Variants in PDE1C observed in about 807,000 individuals in gnomAD.
PDE1C encodes dual specificity calcium/calmodulin-dependent 3',5'-cyclic nucleotide phosphodiesterase 1C.
Under a neutral mutation model 93.1 loss-of-function variants are expected in PDE1C, and 62 were observed. The observed-to-expected ratio is 0.67, with a 90% CI of 0.54 to 0.82. The LOEUF is 0.82. Among genes scored for constraint, PDE1C ranks in the 40% least tolerant of loss-of-function variants. PDE1C has a pLI of 0.00. For synonymous variants in PDE1C, 325 were observed against 310.1 expected, an observed-to-expected ratio of 1.05 and a Z score of -0.50; for missense variants, 742 against 884.6, an observed-to-expected ratio of 0.84 and a Z score of 2.04.
At chr7:32,266,143 G>A (rs977417109) in intron 1 of PDE1C, among the ~76,000 whole-genome samples, 7 of 152,028 alleles carry the variant, frequency 4.6e-5, no homozygotes, top group Non-Finnish European at 7.4e-5. Context: ...TTAGCTGGGT[G>A]TGGTGGCAGG....
At chr7:31,929,267 G>T (rs1803860096) in intron 2 of PDE1C, among the ~76,000 whole-genome samples, 1 of 152,160 alleles carries the variant, frequency 6.6e-6, no homozygotes, top group Admixed American at 6.5e-5. Context: ...ACCTAATACA[G>T]GAGCTCCCAG....
At chr7:32,114,856 T>C (rs904385277) in intron 3 of PDE1C, among the ~76,000 whole-genome samples, 6 of 152,026 alleles carry the variant, frequency 3.9e-5, no homozygotes, top group African/African-American at 1.2e-4. Context: ...CCAACAAACA[T>C]GAAACAAAGC....
rs139280668 is a variant in PDE1C at position 32,215,366 on chromosome 7, C to T, written c.86-5827G>A. ...GTAGAAAAAATGTCTTCCATGAAACCGGTCCCTGGTGCCATAAAGGTTGAG... is the reference window on the plus strand; with the variant it reads ...GTAGAAAAAATGTCTTCCATGAAACTGGTCCCTGGTGCCATAAAGGTTGAG... On this transcript the variant is annotated intron_variant, in intron 1 of 18. Coordinates refer to the PDE1C transcript ENST00000396193. Among the ~76,000 whole-genome samples the T allele has an allele frequency of 3.8e-3, 577 of 152,224 alleles. 5 individuals are homozygous for T. Among genetic ancestry groups the T allele is most frequent in the African/African-American group, 0.013 (543 of 41,532 alleles).
intron 2 of PDE1C, among the ~76,000 whole-genome samples, chr7:32,185,604 G>T (rs953455161): frequency 6.6e-6 from 1 of 152,074 alleles, no homozygotes; most frequent in African/African-American, 2.4e-5. Flanking sequence ...ATTTTGCAGA[G>T]ATATTCAAAT....
upstream of PDE1C, among the ~76,000 whole-genome samples, chr7:32,073,227 C>T (rs1401514569): frequency 6.6e-6 from 1 of 152,066 alleles, no homozygotes; most frequent in Non-Finnish European, 1.5e-5. Context: ...AGAGCAAAAA[C>T]ATTTTTTTTA....
chr7:32,303,938 G>A (rs1562664053), upstream of PDE1C, among the ~76,000 whole-genome samples: 1 of 152,192 alleles, frequency 6.6e-6, no homozygotes, highest in Non-Finnish European at 1.5e-5. Context: ...TGCATTAAGA[G>A]TTTGGGGAGA....
At chr7:31,945,508 G>T (rs954419879) in intron 2 of PDE1C, among the ~76,000 whole-genome samples, 1 of 151,972 alleles carries the variant, frequency 6.6e-6, no homozygotes, top group Non-Finnish European at 1.5e-5. Context: ...AATTCTAGAT[G>T]GGTAATTTCT....
At chr7:31,617,674 C>T in the PDE1C span, among the ~76,000 whole-genome samples, 952 of 152,038 alleles carry the variant, frequency 6.3e-3, 11 homozygotes, top group African/African-American at 0.022. Context: ...CCACGATACT[C>T]TTGTCATTTT....
intron 1 of PDE1C, among the ~76,000 whole-genome samples, chr7:32,374,289 A>AAGAAAGAAAGAAAGAAAGAG (rs1784394338): frequency 6.7e-6 from 1 of 149,746 alleles, no homozygotes; most frequent in Non-Finnish European, 1.5e-5. Flanking sequence ...GAAAGAAAGA[A>AAGAAAGAAAGAAAGAAAGAG]AGAAAGAAAG....
At chr7:32,122,890 C>T (rs1277906887) in intron 3 of PDE1C, among the ~76,000 whole-genome samples, 2 of 152,048 alleles carry the variant, frequency 1.3e-5, no homozygotes, top group Non-Finnish European at 2.9e-5. Context: ...GAGACAGAGA[C>T]ATGGAAAACC....
In PDE1C at chr7:32,326,822, T is replaced by C. The variant is rs537878419; in HGVS notation, c.310+101000A>G. On this transcript the variant is annotated intron_variant, in intron 1 of 1. Transcript: ENST00000672256. Reference sequence around the variant, plus strand: ...AGAACCTTTTCTAAGGTGGCAGCAATAACAGCATGTTTGCATGCTGATGGG... The same window carrying C: ...AGAACCTTTTCTAAGGTGGCAGCAACAACAGCATGTTTGCATGCTGATGGG... Among the ~76,000 whole-genome samples, 9 of 152,166 alleles carry C rather than the reference T, an allele frequency of 5.9e-5. No homozygotes were observed. In the South Asian group the frequency reaches 1.5e-3, roughly 25 times the overall value.
At chr7:32,298,257 C>A (rs1013076230) in intron 1 of PDE1C, among the ~76,000 whole-genome samples, 12 of 152,148 alleles carry the variant, frequency 7.9e-5, no homozygotes, top group Admixed American at 1.3e-4. Flanking sequence ...TCTATCATGT[C>A]CACATCTTCC....
chr7:31,997,722 T>G lies in PDE1C; in HGVS notation c.128+53832A>C, dbSNP rs1784900079. Among the ~76,000 whole-genome samples the G allele has an allele frequency of 3.3e-5, 5 of 152,150 alleles. No individual in the cohort carries two copies. The South Asian group carries it at 1.0e-3, about 32-fold the overall frequency. On this transcript the variant is annotated intron_variant, in intron 2 of 17. Transcript: ENST00000396191. ...AGCAGTGGGATTACCATTATTTGAG[T>G]GTTTCACCCAGATAGTGGACCATCC...
At chr7:32,365,145 A>G (rs1288732243) in intron 1 of PDE1C, among the ~76,000 whole-genome samples, 3 of 152,170 alleles carry the variant, frequency 2.0e-5, no homozygotes, top group African/African-American at 7.2e-5. Flanking sequence ...ACCTGCAATC[A>G]GGGCTTGAGG....
upstream of PDE1C, chr7:32,070,551 T>C: frequency 4.1e-6 from 6 of 1,452,968 alleles, no homozygotes; most frequent in East Asian, 1.0e-4. Flanking sequence ...GACTCCGACT[T>C]AGAGCGGACT....
At chr7:32,392,429 T>A (rs1051513791) in intron 1 of PDE1C, among the ~76,000 whole-genome samples, 13 of 152,324 alleles carry the variant, frequency 8.5e-5, no homozygotes, top group African/African-American at 3.1e-4. Context: ...AGAGGGGATA[T>A]TCCCAACTCA....
At chr7:32,083,230 C>T (rs2128738784) in intron 3 of PDE1C, among the ~76,000 whole-genome samples, 1 of 151,792 alleles carries the variant, frequency 6.6e-6, no homozygotes, top group East Asian at 1.9e-4. Flanking sequence ...CCAATGCGAT[C>T]AACTGGAAGA....
intron 3 of PDE1C, among the ~76,000 whole-genome samples, chr7:32,076,662 AAAAG>A (rs1334644864): frequency 2.0e-5 from 3 of 151,252 alleles, no homozygotes; most frequent in African/African-American, 7.3e-5. Flanking sequence ...AAAAAAGAAA[AAAAG>A]AAAAAAGAAA....
At chr7:32,102,250 G>T (rs972255287) in intron 3 of PDE1C, among the ~76,000 whole-genome samples, 2 of 152,110 alleles carry the variant, frequency 1.3e-5, no homozygotes, top group Non-Finnish European at 2.9e-5. Flanking sequence ...ATTGACTGAG[G>T]CCCTCCTGGG....
Sources: allele counts gnomAD v4.1 joint callset (sites outside exome capture counted in the v4.1 genomes callset), GRCh38; gene constraint gnomAD v4.1.1; transcripts MANE v1.5; gene names NCBI Gene and HGNC (gene_info 2026-07-23, HGNC 2026-07-21).